PDE4D: variants seen among roughly 807,000 people sequenced by gnomAD.
The protein encoded by PDE4D is phosphodiesterase 4D.
PDE4D carries 24 observed loss-of-function variants against 87.4 expected under a neutral mutation model. The observed-to-expected ratio is 0.27, with a 90% confidence interval of 0.20 to 0.39. PDE4D has a LOEUF of 0.39. Ranked by LOEUF, PDE4D falls within the 10% of genes least tolerant of loss-of-function variation. The probability of loss-of-function intolerance (pLI) is 1.00; values close to 1 mark genes in which losing one functional copy is unlikely to be tolerated. For synonymous variants in PDE4D, 384 were observed against 383.2 expected (o/e 1.00, Z -0.02); for missense variants, 714 against 1,041.0 (o/e 0.69, Z 4.32).
intron 5 of PDE4D, among the ~76,000 whole-genome samples, chr5:59,141,601 C>A (rs1470220754): frequency 6.6e-6 from 1 of 152,142 alleles, no homozygotes; most frequent in African/African-American, 2.4e-5. Context: ...ACTTATAGAC[C>A]GGGCTTTTTT....
intron 1 of PDE4D, among the ~76,000 whole-genome samples, chr5:60,254,318 A>G (rs1017417039): frequency 2.0e-5 from 3 of 151,956 alleles, no homozygotes; most frequent in African/African-American, 7.2e-5. Context: ...TGCTTATGCC[A>G]GCAACCCTGG....
chr5:59,038,419 A>G (rs1409267892), intron 6 of PDE4D, among the ~76,000 whole-genome samples: 1 of 152,178 alleles, frequency 6.6e-6, no homozygotes, highest in East Asian at 1.9e-4. Context: ...TACCCTGACA[A>G]CTAGATGAAT....
chr5:59,012,390 G>A (rs901903762), intron 6 of PDE4D, among the ~76,000 whole-genome samples: 2 of 152,134 alleles, frequency 1.3e-5, no homozygotes, highest in Admixed American at 6.5e-5. Flanking sequence ...CCATCAGTGC[G>A]CTGTATTCAG....
At chr5:59,662,142 C>T (rs959519638) in intron 1 of PDE4D, among the ~76,000 whole-genome samples, 1 of 152,204 alleles carries the variant, frequency 6.6e-6, no homozygotes, top group Non-Finnish European at 1.5e-5. Flanking sequence ...GTCAGAGTTC[C>T]AACCAGCTGT....
At position 60,099,320 on chromosome 5, in the gene PDE4D, A is replaced by G. The variant is rs146129419; in HGVS notation, c.42+86237T>C. ...ATCTTGCCTGGAGCATTTGAGCCTC[A>G]CTAATCTAGACATCCATATTCCTAC... is the stretch of plus-strand genomic sequence containing the variant. On this transcript the variant is annotated intron_variant, in intron 2 of 16. Transcript: ENST00000502484. 1.4e-3 allele frequency among the ~76,000 whole-genome samples: 207 copies of G among 152,064 alleles called. 1 individual carries two copies. The highest frequency in any genetic ancestry group is 4.6e-3 in the African/African-American group (191 of 41,532).
intron 1 of PDE4D, among the ~76,000 whole-genome samples, chr5:59,730,486 T>G (rs1353182253): frequency 6.6e-6 from 1 of 152,162 alleles, no homozygotes; most frequent in Non-Finnish European, 1.5e-5. Flanking sequence ...GACTCACATA[T>G]GCACGGAATA....
At chr5:60,422,555 G>A (rs1017944666) in intron 1 of PDE4D, among the ~76,000 whole-genome samples, 26 of 152,094 alleles carry the variant, frequency 1.7e-4, no homozygotes, top group Admixed American at 1.7e-3. Context: ...CACTAAACAT[G>A]GAAAGGAACA....
At chr5:59,985,017 T>C (rs1012786567) in intron 3 of PDE4D, among the ~76,000 whole-genome samples, 83 of 151,978 alleles carry the variant, frequency 5.5e-4, no homozygotes, top group Non-Finnish European at 2.1e-4. Context: ...ACAACTCAGT[T>C]AAAATAGGCT....
chr5:59,668,846 GA>G, intron 1 of PDE4D, among the ~76,000 whole-genome samples: 3 of 27,368 alleles, frequency 1.1e-4, no homozygotes, highest in South Asian at 3.3e-3. Flanking sequence ...AGAGGAAGAG[GA>G]AGAAGAAGAA....
At chr5:59,607,917 G>C (rs1472302977) in intron 1 of PDE4D, among the ~76,000 whole-genome samples, 1 of 152,076 alleles carries the variant, frequency 6.6e-6, no homozygotes, top group Admixed American at 6.6e-5. Context: ...CATAGATAAG[G>C]CTCTTTCAAT....
chr5:60,036,639 A>G (rs1313041901), intron 2 of PDE4D, among the ~76,000 whole-genome samples: 1 of 152,250 alleles, frequency 6.6e-6, no homozygotes, highest in Non-Finnish European at 1.5e-5. Flanking sequence ...GAAAAAAATT[A>G]ATAAGTCCTG....
chr5:59,265,293 G>A (rs991600444), intron 1 of PDE4D, among the ~76,000 whole-genome samples: 5 of 151,866 alleles, frequency 3.3e-5, no homozygotes, highest in African/African-American at 1.2e-4. Flanking sequence ...ATCAGAGGTG[G>A]TTTAGCTTCC....
In PDE4D at chr5:59,715,817, C is replaced by T. The variant is rs1453944232; in HGVS notation, c.455+177351G>A. Among the ~76,000 whole-genome samples the T allele has an allele frequency of 3.3e-5, 5 of 152,192 alleles. No homozygotes were observed. The East Asian group carries it at 7.7e-4, about 23-fold the overall frequency. On this transcript the variant is annotated intron_variant, in intron 1 of 14. Transcript: ENST00000340635. ...CCTGGCTTAATGCATAAAGTAAATT[C>T]GGGTAACATCATCATGGGGTGTTTG...
intron 2 of PDE4D, among the ~76,000 whole-genome samples, chr5:60,094,871 A>G (rs569263151): frequency 6.6e-6 from 1 of 151,982 alleles, no homozygotes; most frequent in African/African-American, 2.4e-5. Context: ...GAAGCCCTAC[A>G]GTTACTTTAC....
At chr5:59,512,686 C>T (rs1161235632) in intron 1 of PDE4D, among the ~76,000 whole-genome samples, 1 of 151,898 alleles carries the variant, frequency 6.6e-6, no homozygotes, top group Admixed American at 6.6e-5. Flanking sequence ...GGAATGGAAA[C>T]TGAAAAGATA....
intron 1 of PDE4D, among the ~76,000 whole-genome samples, chr5:59,350,622 C>T (rs960360789): frequency 1.3e-5 from 2 of 152,188 alleles, no homozygotes; most frequent in African/African-American, 2.4e-5. Context: ...CACACTCTTC[C>T]AGGCACTGGC....
chr5:59,503,479 T>C lies in PDE4D; in HGVS notation c.456-287511A>G, dbSNP rs2153665322. Reference sequence around the variant, plus strand: ...AGGGATATCCTGTCATTAATATAAATAAGTAGATAACGATATCTAGTCTAT... The same window carrying C: ...AGGGATATCCTGTCATTAATATAAACAAGTAGATAACGATATCTAGTCTAT... On this transcript the variant is annotated intron_variant, in intron 1 of 14. Transcript: ENST00000340635. Among the ~76,000 whole-genome samples, 4 of 152,248 alleles carry C rather than the reference T, an allele frequency of 2.6e-5. 1 individual carries two copies. The South Asian group carries it at 8.3e-4, about 32-fold the overall frequency.
intron 3 of PDE4D, among the ~76,000 whole-genome samples, chr5:59,920,750 T>A (rs565743931): frequency 6.6e-6 from 1 of 151,436 alleles, no homozygotes; most frequent in Admixed American, 6.6e-5. Flanking sequence ...CTGAGCAAAG[T>A]ATAGCAAGGA....
intron 1 of PDE4D, among the ~76,000 whole-genome samples, chr5:59,790,407 C>A (rs1396530992): frequency 6.6e-6 from 1 of 152,108 alleles, no homozygotes; most frequent in Non-Finnish European, 1.5e-5. Flanking sequence ...GAAACTAAAG[C>A]CTTTAATAAG....
Sources: gnomAD v4.1 joint callset for allele counts (sites outside exome capture counted in the v4.1 genomes callset) on GRCh38, gnomAD v4.1.1 for gene constraint, MANE v1.5 for transcripts, NCBI Gene and HGNC (gene_info 2026-07-23, HGNC 2026-07-21) for gene names.